Variants in DPH6 observed in about 807,000 individuals in gnomAD.
DPH6 encodes the protein diphthine--ammonia ligase.
In DPH6, 33 loss-of-function variants were observed where a neutral mutation model predicts 38.2. The ratio of observed to expected loss-of-function variants is 0.86; its 90% confidence interval spans 0.65 to 1.15. DPH6 has a LOEUF of 1.15. DPH6 is among the 50% of genes most tolerant of loss of function. DPH6 has a pLI of 0.00. For missense variants in DPH6, 325 were observed against 320.0 expected (o/e 1.02, Z -0.12); for synonymous variants, 108 against 103.0 (o/e 1.05, Z -0.30).
the DPH6 span, among the ~76,000 whole-genome samples, chr15:35,211,943 AC>A: frequency 6.6e-6 from 1 of 152,054 alleles, no homozygotes; most frequent in African/African-American, 2.4e-5. Flanking sequence ...TACATACATC[AC>A]CCATGTTAAT....
At chr15:35,223,026 G>C (rs143098838) in intron 3 of DPH6, among the ~76,000 whole-genome samples, 4 of 152,240 alleles carry the variant, frequency 2.6e-5, no homozygotes, top group African/African-American at 9.6e-5. Context: ...TTTCACAGTT[G>C]TAACAAGTTA....
intron 6 of DPH6, among the ~76,000 whole-genome samples, chr15:35,391,874 A>C (rs1043493857): frequency 1.5e-4 from 23 of 152,142 alleles, no homozygotes; most frequent in African/African-American, 5.6e-4. Context: ...GGCACTCCTC[A>C]GTGAGAGGAA....
chr15:35,279,636 T>C (rs965197080), intron 3 of DPH6, among the ~76,000 whole-genome samples: 2 of 152,110 alleles, frequency 1.3e-5, no homozygotes, highest in African/African-American at 2.4e-5. Context: ...AGGATGCACC[T>C]GCTCCCCTTT....
At chr15:35,247,882 A>G (rs1440316181) in intron 3 of DPH6, among the ~76,000 whole-genome samples, 1 of 152,156 alleles carries the variant, frequency 6.6e-6, no homozygotes, top group Non-Finnish European at 1.5e-5. Flanking sequence ...TAAATACACC[A>G]TTTTGCTTCT....
In DPH6 at chr15:35,341,579, T is replaced by C. The variant is rs534553159; in HGVS notation, n.208-10502A>G. Among the ~76,000 whole-genome samples the C allele has an allele frequency of 2.0e-5, 3 of 152,296 alleles. No individual in the cohort carries two copies. In the East Asian group the frequency reaches 5.8e-4, roughly 29 times the overall value. ...GGGTCTTTTTTGTTGATGTTGTTTT[T>C]TCTGTTTGTTTTTCTTTTAACAGTC... On this transcript the variant is annotated intron_variant and non_coding_transcript_variant, in intron 3 of 3. Transcript: ENST00000558973.
chr15:35,491,102 C>A (rs1292925013), intron 3 of DPH6, among the ~76,000 whole-genome samples: 2 of 152,156 alleles, frequency 1.3e-5, no homozygotes, highest in East Asian at 3.8e-4. Context: ...AATATCATTA[C>A]ATTGGCAATT....
intron 4 of DPH6, among the ~76,000 whole-genome samples, chr15:35,451,331 A>G (rs1377733163): frequency 6.6e-6 from 1 of 152,198 alleles, no homozygotes; most frequent in African/African-American, 2.4e-5. Context: ...CATTATTGGT[A>G]AAGTAGAAAA....
rs945041606 is a variant in DPH6 at position 35,237,045 on chromosome 15, T to C, written n.201-16463A>G. The C allele has an allele frequency of 1.4e-5, 6 of 430,464 alleles. No homozygotes were observed. In the Admixed American group the frequency reaches 1.9e-4, roughly 14 times the overall value. 26.7% of individuals were successfully genotyped at this position (430,464 alleles called of 1,614,324 possible). A position where few individuals can be genotyped will look rare whatever the true frequency, so the allele number is the denominator to read the frequency against. On this transcript the variant is annotated intron_variant and non_coding_transcript_variant, in intron 3 of 3. Coordinates refer to the DPH6 transcript ENST00000560386. ...AGTTTTATACTGTACATCATGACTG[T>C]TTTTCTTGGGTTGGAATGCATGCAC...
At chr15:35,447,257 A>T (rs1217523419) in intron 5 of DPH6, among the ~76,000 whole-genome samples, 1 of 152,184 alleles carries the variant, frequency 6.6e-6, no homozygotes, top group African/African-American at 2.4e-5. Context: ...CAAATTTGAG[A>T]GAGATATCCA....
At chr15:35,329,637 C>T (rs1185265281), downstream of DPH6, among the ~76,000 whole-genome samples, 1 of 152,078 alleles carries the variant, frequency 6.6e-6, no homozygotes, top group East Asian at 1.9e-4. Flanking sequence ...CAAGGAAAGG[C>T]TTGTACAAGC....
chr15:35,261,750 T>G (rs1355158476), intron 3 of DPH6, among the ~76,000 whole-genome samples: 1 of 151,942 alleles, frequency 6.6e-6, no homozygotes, highest in Non-Finnish European at 1.5e-5. Context: ...GAAGGATGGC[T>G]TGAGCCCAGG....
intron 3 of DPH6, among the ~76,000 whole-genome samples, chr15:35,350,352 G>C (rs2052499470): frequency 6.7e-6 from 1 of 150,100 alleles, no homozygotes; most frequent in African/African-American, 2.4e-5. Flanking sequence ...CTAGCTAAGG[G>C]TTTGTTGCTT....
At chr15:35,538,501 G>A (rs1213310133) in intron 2 of DPH6, 34 bp from the exon 3 acceptor site, 2 of 1,432,472 alleles carry the variant, frequency 1.4e-6, no homozygotes, top group South Asian at 1.6e-5. Flanking sequence ...ATTAGCAAAA[G>A]AGAGTGAAAA....
At chr15:35,282,631 C>T in intron 3 of DPH6, 1 of 409,494 alleles carries the variant, frequency 2.4e-6, no homozygotes, top group Non-Finnish European at 5.0e-6. Context: ...AGATTGGATC[C>T]AGCTTCATTC....
At chr15:35,235,454 C>CA (rs1296019131) in intron 3 of DPH6, among the ~76,000 whole-genome samples, 5 of 152,100 alleles carry the variant, frequency 3.3e-5, no homozygotes, top group Non-Finnish European at 5.9e-5. Context: ...GATTACTTGG[C>CA]AAAAAAATCC....
the DPH6 span, among the ~76,000 whole-genome samples, chr15:35,147,552 G>A: frequency 2.0e-5 from 3 of 152,140 alleles, no homozygotes; most frequent in Admixed American, 2.0e-4. Flanking sequence ...CCTGGTCGGT[G>A]ATAGCATGGG....
At chr15:35,338,354 A>G (rs1174366409) in intron 3 of DPH6, among the ~76,000 whole-genome samples, 4 of 152,188 alleles carry the variant, frequency 2.6e-5, no homozygotes, top group Non-Finnish European at 5.9e-5. Context: ...AAACAACCCC[A>G]TCAAAAAGTG....
rs72708938 is a variant in DPH6, at chr15:35,310,014, C to T, written n.200+63507G>A. Among the ~76,000 whole-genome samples the T allele has an allele frequency of 1.8e-3, 268 of 152,130 alleles. 1 individual carries two copies. The highest frequency in any genetic ancestry group is 5.0e-3 in the East Asian group (26 of 5,158). ...CCTAGAAGAAAACTTTTTTTTCCCCCTGTGTCACAGTAGTTTTAGAGCAGT... is the reference window on the plus strand; with the variant it reads ...CCTAGAAGAAAACTTTTTTTTCCCCTTGTGTCACAGTAGTTTTAGAGCAGT... On this transcript the variant is annotated intron_variant and non_coding_transcript_variant, in intron 3 of 3. Coordinates refer to the DPH6 transcript ENST00000560386.
intron 3 of DPH6, among the ~76,000 whole-genome samples, chr15:35,500,939 C>A (rs10220772): frequency 6.6e-6 from 1 of 152,012 alleles, no homozygotes; most frequent in Admixed American, 6.6e-5. Flanking sequence ...TGGGGTTTCA[C>A]CATGTTGGCT....
Sources: allele counts gnomAD v4.1 joint callset (sites outside exome capture counted in the v4.1 genomes callset), GRCh38; gene constraint gnomAD v4.1.1; transcripts MANE v1.5; gene names NCBI Gene and HGNC (gene_info 2026-07-23, HGNC 2026-07-21).